The following AGK variants were observed in gnomAD, a reference collection of about 807,000 sequenced individuals.
The protein encoded by AGK is acylglycerol kinase, mitochondrial.
A neutral mutation model predicts 66.4 loss-of-function variants in AGK; 52 were observed. The ratio of observed to expected loss-of-function variants is 0.78; its 90% CI spans 0.63 to 0.99. The LOEUF (loss-of-function observed/expected upper bound fraction) is 0.99, where lower values mean the gene tolerates loss of function less well. AGK is among the 50% of genes least tolerant of loss of function. AGK has a pLI of 0.00. For synonymous variants in AGK, 182 were observed against 181.1 expected (o/e 1.00, Z -0.04); for missense variants, 451 against 506.6 (o/e 0.89, Z 1.05).
intron 2 of AGK, among the ~76,000 whole-genome samples, chr7:141,580,856 G>A (rs542258299): frequency 6.6e-6 from 1 of 152,122 alleles, no homozygotes; most frequent in South Asian, 2.1e-4. Context: ...TGATGAGTTA[G>A]GGAGAGCTAG....
intron 2 of AGK, among the ~76,000 whole-genome samples, chr7:141,558,991 G>C (rs552306755): frequency 3.9e-5 from 6 of 152,216 alleles, no homozygotes; most frequent in Middle Eastern, 3.4e-3. Context: ...TGGCCTGTAG[G>C]AGTTCTTTAT....
chr7:141,600,940 C>T (rs1796326706), intron 4 of AGK, among the ~76,000 whole-genome samples: 1 of 152,134 alleles, frequency 6.6e-6, no homozygotes, highest in South Asian at 2.1e-4. Context: ...AGAGGAACTA[C>T]TTTGTGAACT....
chr7:141,607,506 G>A (rs1443310283), intron 5 of AGK, among the ~76,000 whole-genome samples: 1 of 152,028 alleles, frequency 6.6e-6, no homozygotes, highest in Non-Finnish European at 1.5e-5. Context: ...TTTTTGTTGA[G>A]TTTTAAGAGT....
At chr7:141,557,547 G>A (rs553529285) in intron 2 of AGK, among the ~76,000 whole-genome samples, 1 of 152,316 alleles carries the variant, frequency 6.6e-6, no homozygotes, top group African/African-American at 2.4e-5. Context: ...GAGGAACTGT[G>A]TACTCTGTTC....
At position 141,580,409 on chromosome 7, in the gene AGK, T is replaced by C. The variant is rs187290555; in HGVS notation, c.102-12737T>C. On this transcript the variant is annotated intron_variant, in intron 2 of 15. Transcript: ENST00000649286. Reference sequence around the variant, plus strand: ...GGGTGAGGAACAGGAAAGAAGGAAATATGGGGAAATTGGGTGAATGTCAGG... The same window carrying C: ...GGGTGAGGAACAGGAAAGAAGGAAACATGGGGAAATTGGGTGAATGTCAGG... Among the ~76,000 whole-genome samples the C allele has an allele frequency of 4.7e-3, 707 of 151,552 alleles. 19 individuals carry two copies. Among genetic ancestry groups the C allele is most frequent in the African/African-American group, 0.015 (632 of 41,110 alleles).
chr7:141,595,213 G>A (rs985833905), intron 3 of AGK, among the ~76,000 whole-genome samples: 1 of 152,196 alleles, frequency 6.6e-6, no homozygotes, highest in African/African-American at 2.4e-5. Flanking sequence ...ACTAAGAAAT[G>A]AGGGCAAGGA....
intron 2 of AGK, among the ~76,000 whole-genome samples, chr7:141,563,753 T>A (rs1351471593): frequency 1.3e-5 from 2 of 152,256 alleles, no homozygotes; most frequent in African/African-American, 4.8e-5. Context: ...ATTCCATTAC[T>A]TCTGCTCTTC....
At position 141,645,273 on chromosome 7, in the gene AGK, T is replaced by A. The variant is rs78434868; in HGVS notation, c.975+3365T>A. Among the ~76,000 whole-genome samples, 25 of 152,278 alleles carry A rather than the reference T, an allele frequency of 1.6e-4. No individual in the cohort carries two copies. In the East Asian group the frequency reaches 4.8e-3, roughly 29 times the overall value. On this transcript the variant is annotated intron_variant, in intron 13 of 15. Coordinates refer to ENST00000649286, the MANE Select transcript of AGK (RefSeq NM_018238.4). ...CTGGAATATCCTGTCTTTTGCTGGA[T>A]ATATTCCCAGTTATCTTAATTTTTA...
intron 8 of AGK, among the ~76,000 whole-genome samples, chr7:141,620,634 A>G (rs1183326224): frequency 6.6e-6 from 1 of 152,180 alleles, no homozygotes; most frequent in Admixed American, 6.5e-5. Context: ...TGTAATTGAT[A>G]AATTGCTGAA....
chr7:141,581,606 A>C (rs1370437245), intron 2 of AGK, among the ~76,000 whole-genome samples: 1 of 151,802 alleles, frequency 6.6e-6, no homozygotes, highest in Non-Finnish European at 1.5e-5. Flanking sequence ...ATTAGGTTTT[A>C]ATGGGATGGT....
chr7:141,553,160 G>A (rs772667534), intron 1 of AGK, among the ~76,000 whole-genome samples: 8 of 152,174 alleles, frequency 5.3e-5, no homozygotes, highest in Non-Finnish European at 1.2e-4. Context: ...TCTTCTTGCT[G>A]TATCCTCACA....
chr7:141,632,230 TAAAA>T (rs796882982), intron 9 of AGK, among the ~76,000 whole-genome samples: 12 of 127,130 alleles, frequency 9.4e-5, no homozygotes, highest in Non-Finnish European at 1.5e-4. Context: ...AAACTCCGTC[TAAAA>T]AAAAAAAAAA....
intron 5 of AGK, among the ~76,000 whole-genome samples, chr7:141,603,229 GTATTAGAAATCTCCCACTGTAATTGTGGA>G (rs1796380315): frequency 6.6e-6 from 1 of 152,078 alleles, no homozygotes; most frequent in Non-Finnish European, 1.5e-5. Context: ...TCAAGAGGGG[GTATTAGAAATCTCCCACTGTAATTGTGGA>G]TTTGTCTATT....
chr7:141,566,594 G>C (rs1331225388), intron 2 of AGK, among the ~76,000 whole-genome samples: 1 of 152,068 alleles, frequency 6.6e-6, no homozygotes, highest in Non-Finnish European at 1.5e-5. Flanking sequence ...CCCGCTCTAT[G>C]TTCTCTATAC....
intron 5 of AGK, among the ~76,000 whole-genome samples, chr7:141,605,695 G>A (rs1796442098): frequency 6.6e-6 from 1 of 152,162 alleles, no homozygotes; most frequent in Non-Finnish European, 1.5e-5. Flanking sequence ...CAGTGAAGTT[G>A]AGTGTTATCA....
chr7:141,606,441 A>T (rs904868562), intron 5 of AGK, among the ~76,000 whole-genome samples: 13 of 152,198 alleles, frequency 8.5e-5, no homozygotes, highest in African/African-American at 3.1e-4. Flanking sequence ...TATTGGACTC[A>T]TTATCTTGTT....
intron 9 of AGK, among the ~76,000 whole-genome samples, chr7:141,631,220 CAGTGCTGATAACCCCTT>C (rs1797048880): frequency 6.6e-6 from 1 of 152,180 alleles, no homozygotes; most frequent in East Asian, 1.9e-4. Flanking sequence ...ATTGAGGATA[CAGTGCTGATAACCCCTT>C]TATACACTCA....
At chr7:141,572,999 A>G (rs1175173211) in intron 2 of AGK, among the ~76,000 whole-genome samples, 2 of 152,224 alleles carry the variant, frequency 1.3e-5, no homozygotes, top group Admixed American at 6.5e-5. Flanking sequence ...TTTGCAGTCA[A>G]TGGTCTGGGG....
intron 9 of AGK, among the ~76,000 whole-genome samples, chr7:141,624,358 C>A (rs896795933): frequency 2.0e-5 from 3 of 152,102 alleles, no homozygotes; most frequent in African/African-American, 7.2e-5. Context: ...GTGGTGTGGG[C>A]CTATAGTCCC....
Sources: gnomAD v4.1 joint callset for allele counts (sites outside exome capture counted in the v4.1 genomes callset) on GRCh38, gnomAD v4.1.1 for gene constraint, MANE v1.5 for transcripts, NCBI Gene and HGNC (gene_info 2026-07-23, HGNC 2026-07-21) for gene names.